The following IGFL2 variants were observed in gnomAD, a reference collection of about 807,000 sequenced individuals.
The protein encoded by IGFL2 is IGF like family member 2.
A neutral mutation model predicts 13.9 loss-of-function variants in IGFL2; 7 were observed. That is an observed-to-expected ratio of 0.51 (90% CI 0.29 to 0.95). The LOEUF (loss-of-function observed/expected upper bound fraction) is 0.95. Among genes scored for constraint, IGFL2 ranks in the 40% least tolerant of loss-of-function variants. The pLI is 0.08. For missense variants in IGFL2, 138 were observed against 147.8 expected, an observed-to-expected ratio of 0.93 and a Z score of 0.34; for synonymous variants, 55 against 55.8, an observed-to-expected ratio of 0.99 and a Z score of 0.07.
chr19:46,134,673 T>A, the IGFL2 span, among the ~76,000 whole-genome samples: 2 of 152,198 alleles, frequency 1.3e-5, no homozygotes, highest in African/African-American at 2.4e-5. Context: ...CATGCTCTTA[T>A]GAGAATCTAA....
chr19:46,201,863 C>G, the IGFL2 span, among the ~76,000 whole-genome samples: 11 of 151,854 alleles, frequency 7.2e-5, no homozygotes, highest in African/African-American at 2.7e-4. Context: ...GATCATTAAC[C>G]TTGACTCTGC....
intron 1 of IGFL2, among the ~76,000 whole-genome samples, chr19:46,158,261 G>A (rs1359197968): frequency 2.6e-5 from 4 of 152,110 alleles, no homozygotes; most frequent in African/African-American, 9.7e-5. Context: ...AGACAGGAGT[G>A]CAGTGGCGCG....
At chr19:46,110,001 G>T in the IGFL2 span, among the ~76,000 whole-genome samples, 1 of 152,160 alleles carries the variant, frequency 6.6e-6, no homozygotes, top group African/African-American at 2.4e-5. Context: ...TCTGTTTTTC[G>T]TCTGAGCTGC....
chr19:46,160,388 C>A (rs1431559114), intron 1 of IGFL2, 27 bp from the exon 2 acceptor site: 1 of 1,605,478 alleles, frequency 6.2e-7, no homozygotes, highest in African/African-American at 1.3e-5. Context: ...CCAGCCCCAT[C>A]CTTAACCTCC....
At chr19:46,208,721 C>G in the IGFL2 span, 1 of 152,030 alleles carries the variant, frequency 6.6e-6, no homozygotes, top group East Asian at 1.9e-4. Context: ...TGTAGAAGTT[C>G]CCGGCTCGCT....
At chr19:46,080,993 C>T in the IGFL2 span, among the ~76,000 whole-genome samples, 2 of 152,196 alleles carry the variant, frequency 1.3e-5, no homozygotes, top group African/African-American at 2.4e-5. Context: ...ATGCTCATCA[C>T]GCACTGGGGA....
the IGFL2 span, among the ~76,000 whole-genome samples, chr19:46,199,868 C>T: frequency 6.6e-6 from 1 of 152,190 alleles, no homozygotes; most frequent in Non-Finnish European, 1.5e-5. Context: ...CACCCTTCTT[C>T]ATTCCTTTTT....
In IGFL2 at chr19:46,161,073, A is replaced by G; in HGVS notation, c.345A>G (p.Arg115=). 1 of 1,590,620 alleles carries G rather than the reference A, an allele frequency of 6.3e-7. No homozygotes were observed. Among genetic ancestry groups the G allele is most frequent in the South Asian group, 1.1e-5 (1 of 88,136 alleles). Residue 115 remains arginine (R), a synonymous_variant, in exon 4 of 4, where the codon AGA becomes AGG. Transcript: ENST00000377693. The part of the protein sequence containing the change: ...SSPISSKCES[R]RRFP ...CTTGGTTTCTTTTTCTCTGTAGCAG[A>G]AGACGTTTTCCCTGAGAAGACATAG...
chr19:46,132,077 T>TTAAAGCC, the IGFL2 span, among the ~76,000 whole-genome samples: 1 of 152,170 alleles, frequency 6.6e-6, no homozygotes. Context: ...AGGAAATGGG[T>TTAAAGCC]TAAAGCCTTG....
chr19:46,098,383 G>C, the IGFL2 span, among the ~76,000 whole-genome samples: 1 of 151,494 alleles, frequency 6.6e-6, no homozygotes, highest in East Asian at 1.9e-4. Context: ...TTTATTTTGA[G>C]CCTATGTGTA....
At chr19:46,158,269 G>A (rs1053885960) in intron 1 of IGFL2, among the ~76,000 whole-genome samples, 2 of 152,012 alleles carry the variant, frequency 1.3e-5, no homozygotes, top group East Asian at 1.9e-4. Context: ...GTGCAGTGGC[G>A]CGATCTTGGC....
chr19:46,201,636 C>T, the IGFL2 span, among the ~76,000 whole-genome samples: 19 of 152,048 alleles, frequency 1.2e-4, no homozygotes, highest in African/African-American at 3.9e-4. Flanking sequence ...CTCTGCAGCA[C>T]GTCGGGGTAA....
chr19:46,104,528 T>G, the IGFL2 span, among the ~76,000 whole-genome samples: 1 of 152,194 alleles, frequency 6.6e-6, no homozygotes, highest in South Asian at 2.1e-4. Flanking sequence ...AAGAAATGAC[T>G]GCGGTAGCCT....
At chr19:46,110,324 G>C in the IGFL2 span, among the ~76,000 whole-genome samples, 10,024 of 152,226 alleles carry the variant, frequency 0.066, 457 homozygotes, top group African/African-American at 0.13. Flanking sequence ...CAATAAAGAT[G>C]CTCCTGTATT....
chr19:46,098,915 G>A, the IGFL2 span, among the ~76,000 whole-genome samples: 1 of 152,160 alleles, frequency 6.6e-6, no homozygotes, highest in Non-Finnish European at 1.5e-5. Context: ...TCTTCATAGT[G>A]TCGTTGGTCT....
the IGFL2 span, among the ~76,000 whole-genome samples, chr19:46,094,502 T>A: frequency 6.6e-6 from 1 of 151,416 alleles, no homozygotes; most frequent in Non-Finnish European, 1.5e-5. Context: ...TTTTTCTTTT[T>A]CTTTTTTTTT....
chr19:46,169,775 G>A, the IGFL2 span, among the ~76,000 whole-genome samples: 1 of 150,574 alleles, frequency 6.6e-6, no homozygotes, highest in Non-Finnish European at 1.5e-5. Flanking sequence ...TTGAACCCGG[G>A]AGTCAGAGGT....
upstream of IGFL2, among the ~76,000 whole-genome samples, chr19:46,141,520 C>T (rs1444184723): frequency 6.6e-6 from 1 of 152,100 alleles, no homozygotes; most frequent in Admixed American, 6.6e-5. Context: ...CCACAAGGCC[C>T]TTCACTACCT....
chr19:46,192,646 C>T, the IGFL2 span, among the ~76,000 whole-genome samples: 1 of 152,100 alleles, frequency 6.6e-6, no homozygotes, highest in East Asian at 2.0e-4. Flanking sequence ...GTCTCGAACT[C>T]CTGATCTTGT....
Sources: allele counts gnomAD v4.1 joint callset (sites outside exome capture counted in the v4.1 genomes callset), GRCh38; gene constraint gnomAD v4.1.1; transcripts MANE v1.5; gene names NCBI Gene and HGNC (gene_info 2026-07-23, HGNC 2026-07-21).